Variants in AUTS2 observed in about 807,000 individuals in gnomAD.
AUTS2 encodes autism susceptibility gene 2 protein.
AUTS2 carries 17 observed loss-of-function variants against 112.4 expected under a neutral mutation model. The ratio of observed to expected loss-of-function variants is 0.15; its 90% confidence interval spans 0.10 to 0.23. The LOEUF (loss-of-function observed/expected upper bound fraction) is 0.23, where lower values mean the gene tolerates loss of function less well. Among genes scored for constraint, AUTS2 ranks in the 10% least tolerant of loss-of-function variants. The pLI, the probability that AUTS2 is intolerant of heterozygous loss-of-function variation, is 1.00. For missense variants in AUTS2, 1,510 were observed against 1,701.6 expected (o/e 0.89, Z 1.98); for synonymous variants, 751 against 702.7 (o/e 1.07, Z -1.09).
At chr7:69,884,849 A>G (rs896165935) in intron 1 of AUTS2, among the ~76,000 whole-genome samples, 2 of 152,192 alleles carry the variant, frequency 1.3e-5, no homozygotes, top group African/African-American at 4.8e-5. Context: ...TGTAGGGTCT[A>G]ATTTATTCTC....
In AUTS2 at chr7:70,792,612, GGT is replaced by G. The variant is rs1792043440; in HGVS notation, c.*1619_*1620del. The G allele has an allele frequency of 7.0e-6, 1 of 142,794 alleles. No homozygotes were observed. The highest frequency in any genetic ancestry group is 1.5e-5 in the Non-Finnish European group (1 of 66,190). 8.8% of individuals were successfully genotyped at this position (142,794 alleles called of 1,614,324 possible). On this transcript the variant is annotated 3_prime_UTR_variant, in exon 19 of 19. Coordinates refer to ENST00000342771, the MANE Select transcript of AUTS2 (RefSeq NM_015570.4). ...ATTTTGTGAACTCCAGATGTTGTGC[GGT>G]GTTTTTTTTTTTTTTTAAGACAACA...
intron 2 of AUTS2, among the ~76,000 whole-genome samples, chr7:69,935,779 G>A (rs192926991): frequency 1.3e-3 from 204 of 152,238 alleles, no homozygotes; most frequent in African/African-American, 4.8e-3. Flanking sequence ...TGAGAATAGA[G>A]CAGGCTGGGC....
chr7:69,624,697 T>C (rs896580328), intron 1 of AUTS2, among the ~76,000 whole-genome samples: 2 of 151,988 alleles, frequency 1.3e-5, no homozygotes, highest in African/African-American at 4.8e-5. Context: ...TGCCTCATGC[T>C]CCCCCATCTT....
intron 5 of AUTS2, among the ~76,000 whole-genome samples, chr7:70,468,146 A>G (rs1339074283): frequency 1.3e-5 from 2 of 152,194 alleles, no homozygotes; most frequent in Non-Finnish European, 2.9e-5. Context: ...TGCAACAACA[A>G]GTGAGGGCGA....
At chr7:69,606,722 A>G (rs1302515166) in intron 1 of AUTS2, among the ~76,000 whole-genome samples, 1 of 152,248 alleles carries the variant, frequency 6.6e-6, no homozygotes, top group Non-Finnish European at 1.5e-5. Flanking sequence ...AACTTAGATC[A>G]TTGAAGTTTA....
intron 4 of AUTS2, among the ~76,000 whole-genome samples, chr7:70,310,531 T>G (rs1789696451): frequency 6.6e-6 from 1 of 151,274 alleles, no homozygotes; most frequent in Non-Finnish European, 1.5e-5. Context: ...GAGAATGGCG[T>G]GAACCCAGGA....
intron 5 of AUTS2, among the ~76,000 whole-genome samples, chr7:70,697,237 AATCT>A (rs1409177068): frequency 1.3e-5 from 2 of 152,190 alleles, no homozygotes; most frequent in Non-Finnish European, 2.9e-5. Context: ...AATAGGAAAA[AATCT>A]ATCTAGGGTT....
At chr7:70,291,165 G>A (rs1329131665) in intron 4 of AUTS2, 1 of 152,086 alleles carries the variant, frequency 6.6e-6, no homozygotes, top group Non-Finnish European at 1.5e-5. Flanking sequence ...CTACCATAAA[G>A]AACAAAAACG....
At chr7:69,610,725 T>A (rs568145695) in intron 1 of AUTS2, among the ~76,000 whole-genome samples, 1 of 152,326 alleles carries the variant, frequency 6.6e-6, no homozygotes, top group African/African-American at 2.4e-5. Flanking sequence ...AAGTGCTTGC[T>A]AAGGAGGGCT....
intron 4 of AUTS2, among the ~76,000 whole-genome samples, chr7:70,385,019 T>C (rs780617563): frequency 6.6e-5 from 10 of 152,144 alleles, no homozygotes; most frequent in Non-Finnish European, 1.0e-4. Context: ...CCTGCGTTTC[T>C]AGGATGAGGA....
chr7:69,959,138 AT>A (rs1156648117), intron 2 of AUTS2, among the ~76,000 whole-genome samples: 1 of 152,014 alleles, frequency 6.6e-6, no homozygotes, highest in African/African-American at 2.4e-5. Context: ...ATGGCAGTTG[AT>A]TTTTCATGGT....
In AUTS2 at chr7:70,125,501, G is replaced by A. The variant is rs192638636; in HGVS notation, c.624+7268G>A. On this transcript the variant is annotated intron_variant, in intron 3 of 18. Transcript: ENST00000342771. The stretch of plus-strand genomic sequence containing the variant: ...TCCCAGTGGTGGTTTTCCTCGCCTT[G>A]GGTATTTTCTCTCACAGATGTGCTG... Among the ~76,000 whole-genome samples, 166 of 152,194 alleles carry A rather than the reference G, an allele frequency of 1.1e-3. 1 individual carries two copies. The Middle Eastern group carries it at 0.017, about 16-fold the overall frequency.
intron 1 of AUTS2, among the ~76,000 whole-genome samples, chr7:69,865,138 G>A (rs1042951983): frequency 6.7e-6 from 1 of 149,582 alleles, no homozygotes; most frequent in Non-Finnish European, 1.5e-5. Context: ...TGTGTATTTA[G>A]ACTGTGATAT....
intron 5 of AUTS2, among the ~76,000 whole-genome samples, chr7:70,573,470 T>C (rs1802034617): frequency 1.3e-5 from 2 of 152,180 alleles, no homozygotes; most frequent in Admixed American, 1.3e-4. Flanking sequence ...GCTAATTTGA[T>C]TAGGGGAGAT....
At chr7:70,147,015 A>G (rs993521670) in intron 4 of AUTS2, among the ~76,000 whole-genome samples, 3 of 152,116 alleles carry the variant, frequency 2.0e-5, no homozygotes, top group African/African-American at 4.8e-5. Flanking sequence ...ATTTATTCTC[A>G]TTTTTGGATA....
intron 2 of AUTS2, among the ~76,000 whole-genome samples, chr7:70,031,385 T>G (rs1800771350): frequency 6.6e-6 from 1 of 152,174 alleles, no homozygotes; most frequent in Non-Finnish European, 1.5e-5. Flanking sequence ...TTATTAGCTG[T>G]TGACCTTCCC....
intron 1 of AUTS2, among the ~76,000 whole-genome samples, chr7:69,680,370 G>A (rs1796736791): frequency 6.6e-6 from 1 of 152,162 alleles, no homozygotes; most frequent in South Asian, 2.1e-4. Context: ...CTTAAGATGA[G>A]TTGTCCCTAG....
chr7:69,714,249 A>ATATGTGTGTGTG (rs1293327805), intron 1 of AUTS2, among the ~76,000 whole-genome samples: 1 of 92,780 alleles, frequency 1.1e-5, no homozygotes, highest in African/African-American at 3.5e-5. Flanking sequence ...GTGTGTGTAT[A>ATATGTGTGTGTG]TGTGTGTGTG....
chr7:70,716,832 T>C (rs1314466875), intron 6 of AUTS2, among the ~76,000 whole-genome samples: 1 of 151,914 alleles, frequency 6.6e-6, no homozygotes, highest in African/African-American at 2.4e-5. Context: ...ATGTATTCGG[T>C]TACTTCGTTT....
Sources: gnomAD v4.1 joint callset for allele counts (sites outside exome capture counted in the v4.1 genomes callset) on GRCh38, gnomAD v4.1.1 for gene constraint, MANE v1.5 for transcripts, NCBI Gene and HGNC (gene_info 2026-07-23, HGNC 2026-07-21) for gene names.